Variants in QTMAN observed in about 807,000 individuals in gnomAD.
QTMAN encodes tRNA-queuosine alpha-mannosyltransferase.
chr2:143,968,577 C>T, the QTMAN span, among the ~76,000 whole-genome samples: 93 of 152,202 alleles, frequency 6.1e-4, 3 homozygotes, highest in South Asian at 0.018. Flanking sequence ...GAGTAAAAAC[C>T]GAGTCTTCTT....
the QTMAN span, among the ~76,000 whole-genome samples, chr2:144,002,346 A>T: frequency 2.6e-5 from 4 of 151,918 alleles, no homozygotes; most frequent in African/African-American, 9.7e-5. Flanking sequence ...TTCATGAAAC[A>T]GTGAGTTTAT....
chr2:144,287,639 A>G, the QTMAN span, among the ~76,000 whole-genome samples: 1 of 152,118 alleles, frequency 6.6e-6, no homozygotes, highest in Non-Finnish European at 1.5e-5. Flanking sequence ...TTCCTACTAA[A>G]CCTAGATCTA....
the QTMAN span, among the ~76,000 whole-genome samples, chr2:144,091,665 G>A: frequency 2.4e-4 from 36 of 152,228 alleles, no homozygotes; most frequent in Middle Eastern, 3.4e-3. Flanking sequence ...ATATGATCCC[G>A]CTATTCCACT....
chr2:144,150,329 T>C, the QTMAN span, among the ~76,000 whole-genome samples: 2 of 152,030 alleles, frequency 1.3e-5, no homozygotes, highest in Non-Finnish European at 2.9e-5. Context: ...TGCATTCCTG[T>C]TCCTTGATAT....
At chr2:144,224,227 G>C in the QTMAN span, among the ~76,000 whole-genome samples, 1 of 152,146 alleles carries the variant, frequency 6.6e-6, no homozygotes, top group Non-Finnish European at 1.5e-5. Context: ...TATTTTCTGA[G>C]AGAAATATTA....
the QTMAN span, among the ~76,000 whole-genome samples, chr2:144,171,459 T>C: frequency 6.6e-6 from 1 of 152,334 alleles, no homozygotes; most frequent in East Asian, 1.9e-4. Flanking sequence ...CAAAAATTTT[T>C]TAACTTCCTT....
chr2:144,188,832 C>T, the QTMAN span, among the ~76,000 whole-genome samples: 1 of 151,870 alleles, frequency 6.6e-6, no homozygotes, highest in African/African-American at 2.4e-5. Context: ...TAATATAAAA[C>T]AACAATCTGT....
the QTMAN span, among the ~76,000 whole-genome samples, chr2:144,173,525 T>C: frequency 6.6e-6 from 1 of 152,134 alleles, no homozygotes; most frequent in African/African-American, 2.4e-5. Context: ...AAGAACAACA[T>C]GCTACTAACA....
At chr2:144,267,677 A>T in the QTMAN span, among the ~76,000 whole-genome samples, 1 of 152,244 alleles carries the variant, frequency 6.6e-6, no homozygotes, top group African/African-American at 2.4e-5. Context: ...TAACACTTCC[A>T]CAGGAGAAAT....
the QTMAN span, among the ~76,000 whole-genome samples, chr2:144,173,211 A>C: frequency 1.3e-5 from 2 of 152,132 alleles, no homozygotes; most frequent in Non-Finnish European, 2.9e-5. Flanking sequence ...CTGGTGTAAA[A>C]AAGAAACCCT....
chr2:144,269,124 A>G, the QTMAN span, among the ~76,000 whole-genome samples: 2 of 152,206 alleles, frequency 1.3e-5, no homozygotes, highest in South Asian at 4.1e-4. Context: ...ATATAAATCT[A>G]CGTAAGATGT....
the QTMAN span, among the ~76,000 whole-genome samples, chr2:144,082,411 T>C: frequency 6.6e-6 from 1 of 152,080 alleles, no homozygotes; most frequent in Non-Finnish European, 1.5e-5. Flanking sequence ...TGCCATTAGG[T>C]AAATCAGCAA....
the QTMAN span, among the ~76,000 whole-genome samples, chr2:144,247,632 A>T: frequency 1.3e-5 from 2 of 152,228 alleles, no homozygotes; most frequent in Admixed American, 6.5e-5. Flanking sequence ...TAATGACTAG[A>T]GGAAACAGAT....
At chr2:144,102,231 G>C in the QTMAN span, among the ~76,000 whole-genome samples, 1 of 152,088 alleles carries the variant, frequency 6.6e-6, no homozygotes, top group African/African-American at 2.4e-5. Flanking sequence ...CTATCAGTCC[G>C]GGAAAGATGG....
the QTMAN span, among the ~76,000 whole-genome samples, chr2:144,242,091 A>G: frequency 2.0e-5 from 3 of 152,186 alleles, no homozygotes; most frequent in Non-Finnish European, 4.4e-5. Flanking sequence ...CAGGAGGAGA[A>G]AAAACAGCTA....
the QTMAN span, among the ~76,000 whole-genome samples, chr2:144,133,455 T>TATATTATATATTATATAATATATAA: frequency 2.4e-5 from 1 of 42,050 alleles, no homozygotes; most frequent in East Asian, 1.1e-3. Context: ...ATATAATATA[T>TATATTATATATTATATAATATATAA]AATATATATT....
chr2:144,173,459 G>A, the QTMAN span, among the ~76,000 whole-genome samples: 3 of 152,156 alleles, frequency 2.0e-5, no homozygotes, highest in Non-Finnish European at 4.4e-5. Context: ...AGAAATGAGG[G>A]TGGCCTCTGG....
At chr2:144,087,638 CAAG>C in the QTMAN span, among the ~76,000 whole-genome samples, 4 of 151,946 alleles carry the variant, frequency 2.6e-5, no homozygotes, top group African/African-American at 7.2e-5. Context: ...TTTATACAAT[CAAG>C]AAGGATTTAT....
At chr2:144,021,972 C>G in the QTMAN span, among the ~76,000 whole-genome samples, 1 of 151,976 alleles carries the variant, frequency 6.6e-6, no homozygotes, top group Non-Finnish European at 1.5e-5. Context: ...CAAGAAATAG[C>G]AAGATAAGAA....
Sources: gnomAD v4.1 joint callset for allele counts (sites outside exome capture counted in the v4.1 genomes callset) on GRCh38, gnomAD v4.1.1 for gene constraint, MANE v1.5 for transcripts, NCBI Gene and HGNC (gene_info 2026-07-23, HGNC 2026-07-21) for gene names.